The following FOXJ3 variants were observed in gnomAD, a reference collection of about 807,000 sequenced individuals.
FOXJ3 encodes forkhead box J3, also known as forkhead box protein J3.
FOXJ3 carries 22 observed loss-of-function variants against 76.1 expected under a neutral mutation model. That is an observed-to-expected ratio of 0.29 (90% CI 0.21 to 0.41). The LOEUF (loss-of-function observed/expected upper bound fraction) is 0.41, where lower values mean the gene tolerates loss of function less well. Ranked by LOEUF, FOXJ3 falls within the 10% of genes least tolerant of loss-of-function variation. FOXJ3 has a pLI of 1.00. For missense variants in FOXJ3, 613 were observed against 762.1 expected (o/e 0.80, Z 2.30); for synonymous variants, 269 against 261.2 (o/e 1.03, Z -0.29).
At chr1:42,236,615 A>G (rs540967936) in intron 4 of FOXJ3, among the ~76,000 whole-genome samples, 1 of 152,364 alleles carries the variant, frequency 6.6e-6, no homozygotes, top group African/African-American at 2.4e-5. Context: ...ACTAACACTA[A>G]AAATACAGAA....
intron 5 of FOXJ3, among the ~76,000 whole-genome samples, chr1:42,215,008 A>C (rs1346155992): frequency 6.6e-6 from 1 of 152,224 alleles, no homozygotes; most frequent in African/African-American, 2.4e-5. Context: ...CAGCTAAAGT[A>C]CAGATATCAA....
chr1:42,197,383 C>G (rs1646672657), intron 7 of FOXJ3, among the ~76,000 whole-genome samples: 1 of 151,950 alleles, frequency 6.6e-6, no homozygotes, highest in East Asian at 1.9e-4. Flanking sequence ...ATTTGTGTTT[C>G]TTTATATATA....
At chr1:42,212,536 GA>G (rs887553539) in intron 5 of FOXJ3, among the ~76,000 whole-genome samples, 3 of 151,144 alleles carry the variant, frequency 2.0e-5, no homozygotes, top group African/African-American at 2.4e-5. Flanking sequence ...TAAAAATAAA[GA>G]AAAAAAATGA....
intron 9 of FOXJ3, among the ~76,000 whole-genome samples, chr1:42,191,017 T>C (rs532828427): frequency 1.6e-4 from 20 of 124,300 alleles, no homozygotes; most frequent in African/African-American, 6.3e-4. Context: ...TGTGGTCATC[T>C]ATACTTGATT....
At chr1:42,301,853 T>A (rs1278453801) in intron 2 of FOXJ3, among the ~76,000 whole-genome samples, 2 of 152,184 alleles carry the variant, frequency 1.3e-5, no homozygotes, top group African/African-American at 4.8e-5. Flanking sequence ...GTTAGTGTGA[T>A]CCTTCTGGAG....
At chr1:42,308,588 C>T (rs191006903) in intron 2 of FOXJ3, among the ~76,000 whole-genome samples, 2 of 152,098 alleles carry the variant, frequency 1.3e-5, no homozygotes, top group Admixed American at 1.3e-4. Context: ...CTCCGAATGC[C>T]GTAGGGCTTC....
intron 4 of FOXJ3, among the ~76,000 whole-genome samples, chr1:42,237,405 CATATAT>C (rs60560055): frequency 0.6 from 84,810 of 140,624 alleles, 26,360 homozygotes; most frequent in East Asian, 0.68. Flanking sequence ...TACATACATA[CATATAT>C]ATATATATAT....
intron 1 of FOXJ3, among the ~76,000 whole-genome samples, chr1:42,316,173 C>T (rs940802927): frequency 5.3e-5 from 8 of 151,768 alleles, no homozygotes; most frequent in Admixed American, 3.3e-4. Flanking sequence ...TGAATAAGTT[C>T]GTTTTGTTTT....
At chr1:42,248,622 C>T (rs1183537219) in intron 4 of FOXJ3, among the ~76,000 whole-genome samples, 1 of 150,436 alleles carries the variant, frequency 6.6e-6, no homozygotes, top group Non-Finnish European at 1.5e-5. Flanking sequence ...AAAAAGGAAT[C>T]AACAGGCTCT....
intron 5 of FOXJ3, among the ~76,000 whole-genome samples, chr1:42,214,172 AAAC>A (rs1240992388): frequency 2.0e-5 from 3 of 152,218 alleles, no homozygotes; most frequent in Non-Finnish European, 4.4e-5. Flanking sequence ...TAAATTAAAC[AAAC>A]AAAAAAAAAG....
chr1:42,311,686 G>A (rs1328600431), intron 1 of FOXJ3, among the ~76,000 whole-genome samples: 1 of 56,448 alleles, frequency 1.8e-5, no homozygotes, highest in African/African-American at 6.7e-5. Context: ...GTAAAGAGAA[G>A]CACTGAAACA....
chr1:42,268,591 T>C (rs189244705), intron 3 of FOXJ3, among the ~76,000 whole-genome samples: 6 of 152,140 alleles, frequency 3.9e-5, no homozygotes, highest in Admixed American at 2.6e-4. Context: ...ATAAAGCAAA[T>C]ATAATTTATT....
At chr1:42,312,041 C>CA in intron 1 of FOXJ3, among the ~76,000 whole-genome samples, 1 of 152,234 alleles carries the variant, frequency 6.6e-6, no homozygotes, top group South Asian at 2.1e-4. Context: ...GCATACACTG[C>CA]ACAAGTGGCG....
At chr1:42,281,885 C>T (rs994944136) in intron 2 of FOXJ3, among the ~76,000 whole-genome samples, 2 of 151,970 alleles carry the variant, frequency 1.3e-5, no homozygotes, top group African/African-American at 4.8e-5. Context: ...ATGGTGAAAC[C>T]CCGTCTCTAC....
At chr1:42,309,099 T>A (rs762307169) in intron 2 of FOXJ3, among the ~76,000 whole-genome samples, 4 of 151,816 alleles carry the variant, frequency 2.6e-5, no homozygotes, top group Non-Finnish European at 4.4e-5. Context: ...GTAACTTCAT[T>A]GTTCATTTTG....
At position 42,335,159 on chromosome 1, in the gene FOXJ3, C is replaced by G. The variant is rs1192692627; in HGVS notation, c.-118G>C. On this transcript the variant is annotated 5_prime_UTR_variant, in exon 1 of 13. Transcript: ENST00000361346. The stretch of plus-strand genomic sequence containing the variant: ...CCCAACGGTGCCTACTGCGAGCGGT[C>G]GAGGCCCCGAGCAGCCCCGAGAGCG... 1.3e-5 allele frequency: 2 copies of G among 152,152 alleles called. No individual in the cohort carries two copies. Among genetic ancestry groups the G allele is most frequent in the Non-Finnish European group, 2.9e-5 (2 of 68,060 alleles). 9.4% of individuals were successfully genotyped at this position (152,152 alleles called of 1,614,324 possible). A position where few individuals can be genotyped will look rare whatever the true frequency, so the allele number is the denominator to read the frequency against.
intron 2 of FOXJ3, among the ~76,000 whole-genome samples, chr1:42,291,257 G>C (rs991078465): frequency 6.6e-6 from 1 of 152,104 alleles, no homozygotes; most frequent in Non-Finnish European, 1.5e-5. Context: ...TCTGAAAAAT[G>C]AACAACAAAC....
intron 2 of FOXJ3, among the ~76,000 whole-genome samples, chr1:42,301,677 G>A (rs1265403807): frequency 6.6e-6 from 1 of 151,976 alleles, no homozygotes; most frequent in Non-Finnish European, 1.5e-5. Context: ...AGATGTTTGG[G>A]TTTATTTTTA....
chr1:42,297,151 T>C (rs186965042), intron 2 of FOXJ3, among the ~76,000 whole-genome samples: 7 of 152,314 alleles, frequency 4.6e-5, no homozygotes, highest in Admixed American at 2.6e-4. Flanking sequence ...TCATTGTACA[T>C]TGATTTTGTA....
Sources: allele counts gnomAD v4.1 joint callset (sites outside exome capture counted in the v4.1 genomes callset), GRCh38; gene constraint gnomAD v4.1.1; transcripts MANE v1.5; gene names NCBI Gene and HGNC (gene_info 2026-07-23, HGNC 2026-07-21).